BICC1: variants seen among roughly 807,000 people sequenced by gnomAD.
BICC1 encodes protein bicaudal C homolog 1.
In BICC1, 43 loss-of-function variants were observed where a neutral mutation model predicts 111.0. That is an observed-to-expected ratio of 0.39 (90% CI 0.30 to 0.50). BICC1 has a LOEUF of 0.50. Ranked by LOEUF, BICC1 falls within the 20% of genes least tolerant of loss-of-function variation. The pLI is 0.88. For synonymous variants in BICC1, 467 were observed against 434.4 expected (o/e 1.07, Z -0.93); for missense variants, 1,091 against 1,203.2 (o/e 0.91, Z 1.38).
chr10:58,749,376 T>C (rs1841923405), intron 3 of BICC1, among the ~76,000 whole-genome samples: 1 of 152,282 alleles, frequency 6.6e-6, no homozygotes, highest in Middle Eastern at 3.4e-3. Context: ...ATTTTTGCAA[T>C]GTGTATTGGT....
intron 3 of BICC1, among the ~76,000 whole-genome samples, chr10:58,754,606 C>T (rs573393990): frequency 2.0e-5 from 3 of 152,310 alleles, no homozygotes; most frequent in African/African-American, 7.2e-5. Flanking sequence ...GTACATGCCT[C>T]ACACGGCAGG....
chr10:58,606,363 A>G (rs936323645), intron 1 of BICC1, among the ~76,000 whole-genome samples: 30 of 139,686 alleles, frequency 2.1e-4, no homozygotes, highest in Admixed American at 1.7e-3. Context: ...CTTCTACTTA[A>G]TTGTGGGTTT....
intron 2 of BICC1, among the ~76,000 whole-genome samples, chr10:58,662,231 A>T (rs1357655811): frequency 1.3e-5 from 2 of 152,236 alleles, no homozygotes; most frequent in African/African-American, 4.8e-5. Flanking sequence ...CTAGAAGAAT[A>T]TAAAAATCCC....
At chr10:58,689,490 A>C (rs1347347691) in intron 2 of BICC1, among the ~76,000 whole-genome samples, 2 of 152,184 alleles carry the variant, frequency 1.3e-5, no homozygotes, top group African/African-American at 4.8e-5. Flanking sequence ...TAAACATGTC[A>C]AGGAGCTGGT....
chr10:58,600,268 A>G (rs1844984760), intron 1 of BICC1, among the ~76,000 whole-genome samples: 1 of 152,112 alleles, frequency 6.6e-6, no homozygotes, highest in African/African-American at 2.4e-5. Context: ...TTATCCTCAT[A>G]AAAGGTGCTT....
At chr10:58,613,869 C>G (rs1845516445) in intron 1 of BICC1, among the ~76,000 whole-genome samples, 1 of 152,106 alleles carries the variant, frequency 6.6e-6, no homozygotes, top group African/African-American at 2.4e-5. Context: ...AGGGCCTTGC[C>G]TATTTTGATT....
In BICC1 at chr10:58,775,376, AAAAAAAC is replaced by A. The variant is rs902767458; in HGVS notation, c.308-9604_308-9598del. On this transcript the variant is annotated intron_variant, in intron 3 of 20. Coordinates refer to ENST00000373886, the MANE Select transcript of BICC1 (RefSeq NM_001080512.3). ...GTGACAGAGCGAGACTCTGTCTCAA[AAAAAAAC>A]AAAAAACAAAAAACAAAAAAAAACA... is the stretch of plus-strand genomic sequence containing the variant. Among the ~76,000 whole-genome samples the A allele has an allele frequency of 3.8e-4, 58 of 152,004 alleles. No homozygotes were observed. In the South Asian group the frequency reaches 8.1e-3, roughly 21 times the overall value.
chr10:58,652,924 A>C (rs925983212), intron 2 of BICC1, among the ~76,000 whole-genome samples: 4 of 152,142 alleles, frequency 2.6e-5, no homozygotes, highest in Non-Finnish European at 5.9e-5. Flanking sequence ...AGAAGTCTTC[A>C]CAGCTAGAAA....
At chr10:58,751,308 A>G (rs1240525358) in intron 3 of BICC1, among the ~76,000 whole-genome samples, 1 of 152,192 alleles carries the variant, frequency 6.6e-6, no homozygotes, top group Non-Finnish European at 1.5e-5. Flanking sequence ...CAGTTGTTGA[A>G]ACACTGATCA....
intron 1 of BICC1, among the ~76,000 whole-genome samples, chr10:58,616,587 C>A (rs549609545): frequency 4.6e-5 from 7 of 152,244 alleles, no homozygotes; most frequent in African/African-American, 1.7e-4. Context: ...GTTGACAGTC[C>A]ATTGTTACCC....
chr10:58,724,311 T>C (rs888178083), intron 3 of BICC1, among the ~76,000 whole-genome samples: 7 of 152,228 alleles, frequency 4.6e-5, no homozygotes, highest in Non-Finnish European at 7.3e-5. Context: ...CATGGCTCTT[T>C]ACAAAGGGGG....
At chr10:58,817,014 A>G (rs1844115509) in intron 18 of BICC1, among the ~76,000 whole-genome samples, 1 of 152,130 alleles carries the variant, frequency 6.6e-6, no homozygotes, top group South Asian at 2.1e-4. Context: ...TTTATACATT[A>G]CTATTAATCT....
chr10:58,605,944 T>C (rs1451441214), intron 1 of BICC1, among the ~76,000 whole-genome samples: 2 of 152,236 alleles, frequency 1.3e-5, no homozygotes, highest in Admixed American at 6.5e-5. Context: ...CTTGTTCTTT[T>C]CTTCCCCCTT....
intron 3 of BICC1, among the ~76,000 whole-genome samples, chr10:58,753,081 A>T (rs12252817): frequency 0.011 from 1,698 of 152,272 alleles, 34 homozygotes; most frequent in African/African-American, 0.039. Context: ...GGGTATTTAC[A>T]CTGCCTCTGC....
At chr10:58,822,928 C>T (rs1844295007) in intron 20 of BICC1, among the ~76,000 whole-genome samples, 1 of 152,112 alleles carries the variant, frequency 6.6e-6, no homozygotes, top group South Asian at 2.1e-4. Context: ...AACTTATAAT[C>T]TGAGTGATTC....
chr10:58,730,156 C>T (rs1254812078), intron 3 of BICC1, among the ~76,000 whole-genome samples: 3 of 152,150 alleles, frequency 2.0e-5, no homozygotes, highest in Non-Finnish European at 2.9e-5. Context: ...AAGGTATAGG[C>T]ATTAGGTAAA....
intron 1 of BICC1, among the ~76,000 whole-genome samples, chr10:58,546,177 ATGT>A (rs2131898007): frequency 6.6e-6 from 1 of 152,210 alleles, no homozygotes; most frequent in South Asian, 2.1e-4. Context: ...TCTGTCTCCA[ATGT>A]TGTTGTTTTT....
chr10:58,683,582 G>A (rs1182984426), intron 2 of BICC1, among the ~76,000 whole-genome samples: 5 of 152,160 alleles, frequency 3.3e-5, no homozygotes, highest in Non-Finnish European at 7.3e-5. Flanking sequence ...AATTCTCCTT[G>A]AAGAGGTCCT....
chr10:58,591,989 A>G (rs1272112792), intron 1 of BICC1, among the ~76,000 whole-genome samples: 1 of 152,236 alleles, frequency 6.6e-6, no homozygotes, highest in Admixed American at 6.5e-5. Flanking sequence ...GTAATACAGA[A>G]TATACTTTCC....
Sources: gnomAD v4.1 joint callset for allele counts (sites outside exome capture counted in the v4.1 genomes callset) on GRCh38, gnomAD v4.1.1 for gene constraint, MANE v1.5 for transcripts, NCBI Gene and HGNC (gene_info 2026-07-23, HGNC 2026-07-21) for gene names.